Variants in ZFAND3 observed in about 807,000 individuals in gnomAD.
ZFAND3 encodes zinc finger AN1-type containing 3.
A neutral mutation model predicts 29.6 loss-of-function variants in ZFAND3; 10 were observed. The observed-to-expected ratio is 0.34, with a 90% CI of 0.21 to 0.57. The LOEUF is 0.57. Ranked by LOEUF, ZFAND3 falls within the 20% of genes least tolerant of loss-of-function variation. The probability of loss-of-function intolerance (pLI) is 0.86; values close to 1 mark genes in which losing one functional copy is unlikely to be tolerated. For missense variants in ZFAND3, 230 were observed against 304.5 expected, an observed-to-expected ratio of 0.76 and a Z score of 1.82; for synonymous variants, 128 against 112.6, an observed-to-expected ratio of 1.14 and a Z score of -0.87.
At chr6:37,947,015 G>A (rs1761915661) in intron 2 of ZFAND3, among the ~76,000 whole-genome samples, 1 of 152,170 alleles carries the variant, frequency 6.6e-6, no homozygotes, top group South Asian at 2.1e-4. Flanking sequence ...TGTACTTAAT[G>A]CCACTGGAAC....
intron 1 of ZFAND3, among the ~76,000 whole-genome samples, chr6:37,823,056 A>T (rs1164129271): frequency 1.3e-5 from 2 of 152,126 alleles, no homozygotes. Context: ...GGAGTGATGT[A>T]TATCTTTAAT....
At chr6:37,978,516 T>G (rs1762527310) in intron 2 of ZFAND3, among the ~76,000 whole-genome samples, 1 of 152,174 alleles carries the variant, frequency 6.6e-6, no homozygotes, top group South Asian at 2.1e-4. Context: ...CTGTTGTTTC[T>G]TCTTTAAATG....
intron 4 of ZFAND3, among the ~76,000 whole-genome samples, chr6:38,110,297 G>A (rs1266245318): frequency 6.6e-6 from 1 of 152,104 alleles, no homozygotes; most frequent in South Asian, 2.1e-4. Flanking sequence ...AGTCAAATGA[G>A]GTGGGAATTT....
chr6:38,104,656 A>T (rs531141502), intron 4 of ZFAND3, among the ~76,000 whole-genome samples: 2 of 152,216 alleles, frequency 1.3e-5, no homozygotes, highest in African/African-American at 2.4e-5. Flanking sequence ...GTGGAAAGAA[A>T]ATCATGTGAG....
intron 3 of ZFAND3, among the ~76,000 whole-genome samples, chr6:38,077,388 G>A (rs1002301726): frequency 3.3e-5 from 5 of 152,276 alleles, no homozygotes; most frequent in African/African-American, 1.2e-4. Context: ...TTTTTAATTA[G>A]CCTACAGTGC....
At chr6:37,932,329 A>G (rs985431233) in intron 2 of ZFAND3, among the ~76,000 whole-genome samples, 3 of 152,202 alleles carry the variant, frequency 2.0e-5, no homozygotes, top group South Asian at 4.1e-4. Context: ...ACAATTACAG[A>G]TATGAAGAAA....
At chr6:38,080,472 A>G (rs1764640172) in intron 3 of ZFAND3, among the ~76,000 whole-genome samples, 1 of 152,150 alleles carries the variant, frequency 6.6e-6, no homozygotes, top group Admixed American at 6.6e-5. Flanking sequence ...AGTGGAAGAG[A>G]AAGTGATAAT....
intron 2 of ZFAND3, among the ~76,000 whole-genome samples, chr6:37,935,019 A>C (rs569917280): frequency 2.0e-5 from 3 of 152,086 alleles, no homozygotes; most frequent in African/African-American, 4.8e-5. Flanking sequence ...ATGTGGATCT[A>C]TATCTCTCAA....
chr6:37,926,210 C>G (rs1056653695), intron 1 of ZFAND3, among the ~76,000 whole-genome samples: 1 of 152,206 alleles, frequency 6.6e-6, no homozygotes, highest in Non-Finnish European at 1.5e-5. Context: ...TGATCAGATA[C>G]ATAACCCTTG....
chr6:38,100,725 A>G (rs1328837574), intron 4 of ZFAND3, among the ~76,000 whole-genome samples: 1 of 152,198 alleles, frequency 6.6e-6, no homozygotes, highest in Non-Finnish European at 1.5e-5. Context: ...GAATATAGTT[A>G]TGGATTTTTC....
At chr6:37,851,921 T>C (rs1020821753) in intron 1 of ZFAND3, among the ~76,000 whole-genome samples, 1 of 152,212 alleles carries the variant, frequency 6.6e-6, no homozygotes, top group Non-Finnish European at 1.5e-5. Flanking sequence ...ATTGATTCTT[T>C]AAAGGCACAG....
In ZFAND3 at chr6:37,844,985, C is replaced by T. The variant is rs538431377; in HGVS notation, c.71+24969C>T. Among the ~76,000 whole-genome samples the T allele has an allele frequency of 3.0e-3, 457 of 150,532 alleles. 3 individuals carry two copies. Among genetic ancestry groups the T allele is most frequent in the African/African-American group, 0.011 (435 of 40,882 alleles). ...CTTGCAGTGAGCCGAGATCACGCTA[C>T]TGCACTCCAGCCTGGGCGACAGAGC... On this transcript the variant is annotated intron_variant, in intron 1 of 5. Transcript: ENST00000287218.
At chr6:38,076,845 G>A (rs1764564819) in intron 3 of ZFAND3, among the ~76,000 whole-genome samples, 1 of 152,074 alleles carries the variant, frequency 6.6e-6, no homozygotes, top group Admixed American at 6.5e-5. Context: ...TTTAGGGTGA[G>A]GTTGGAGATT....
intron 2 of ZFAND3, among the ~76,000 whole-genome samples, chr6:38,018,345 A>G (rs1042092752): frequency 3.3e-5 from 5 of 152,256 alleles, no homozygotes; most frequent in Admixed American, 2.6e-4. Flanking sequence ...AGTGATTACA[A>G]TAAAGCCATT....
intron 1 of ZFAND3, among the ~76,000 whole-genome samples, chr6:37,896,974 G>A (rs1415037216): frequency 2.6e-5 from 4 of 151,814 alleles, no homozygotes; most frequent in Non-Finnish European, 1.5e-5. Context: ...TTCCCTAGAA[G>A]TTTAAAATTT....
At chr6:37,891,510 A>G (rs541549568) in intron 1 of ZFAND3, among the ~76,000 whole-genome samples, 114 of 149,114 alleles carry the variant, frequency 7.6e-4, no homozygotes, top group African/African-American at 2.7e-3. Flanking sequence ...GAGGCAGGAG[A>G]ATCACTTGAA....
At chr6:37,944,129 GTT>G (rs1392928760) in intron 2 of ZFAND3, among the ~76,000 whole-genome samples, 1 of 152,174 alleles carries the variant, frequency 6.6e-6, no homozygotes, top group Admixed American at 6.5e-5. Context: ...GTGTATGTGG[GTT>G]TATGCACATG....
chr6:38,020,526 C>T (rs1763330747), intron 2 of ZFAND3, among the ~76,000 whole-genome samples: 1 of 152,118 alleles, frequency 6.6e-6, no homozygotes, highest in African/African-American at 2.4e-5. Context: ...ATTTGCTTTC[C>T]AAAGAGGAGA....
At chr6:37,984,554 A>G (rs931994876) in intron 2 of ZFAND3, among the ~76,000 whole-genome samples, 7 of 152,252 alleles carry the variant, frequency 4.6e-5, no homozygotes, top group African/African-American at 1.7e-4. Context: ...TGAAGATGGT[A>G]CTTTCTGAAA....
Sources: allele counts gnomAD v4.1 joint callset (sites outside exome capture counted in the v4.1 genomes callset), GRCh38; gene constraint gnomAD v4.1.1; transcripts MANE v1.5; gene names NCBI Gene and HGNC (gene_info 2026-07-23, HGNC 2026-07-21).